Variants in PHEX observed in about 807,000 individuals in gnomAD.
The protein encoded by PHEX is phosphate regulating endopeptidase X-linked.
In PHEX, 16 loss-of-function variants were observed where a neutral mutation model predicts 68.0. That is an observed-to-expected ratio of 0.24 (90% CI 0.16 to 0.36). PHEX has a LOEUF of 0.36. PHEX is among the 10% of genes least tolerant of loss of function. PHEX has a pLI of 1.00. For missense variants in PHEX, 480 were observed against 575.5 expected (o/e 0.83, Z 1.70); for synonymous variants, 208 against 205.1 (o/e 1.01, Z -0.12).
chrX:22,209,954 AATAAAT>A (rs1934864560), intron 15 of PHEX, among the ~76,000 whole-genome samples: 1 of 109,831 alleles, frequency 9.1e-6, no homozygotes, highest in African/African-American at 3.3e-5. Context: ...AAAAAAAAAA[AATAAAT>A]AAATAAAAAT....
intron 9 of PHEX, among the ~76,000 whole-genome samples, chrX:22,110,123 T>A (rs777514160): frequency 8.9e-6 from 1 of 112,391 alleles, no homozygotes; most frequent in South Asian, 3.7e-4. Flanking sequence ...AGGCATTGTA[T>A]CAAGTCACCT....
At chrX:22,185,590 C>T (rs1053835539) in intron 14 of PHEX, among the ~76,000 whole-genome samples, 1 of 111,247 alleles carries the variant, frequency 9.0e-6, no homozygotes, top group African/African-American at 3.3e-5. Context: ...AGATTCAGCC[C>T]ATTGGGTTGG....
chrX:22,057,394 A>G (rs1245846080), intron 3 of PHEX, among the ~76,000 whole-genome samples: 4 of 111,297 alleles, frequency 3.6e-5, no homozygotes. Flanking sequence ...ACTTGAAGCC[A>G]GGAGTTTGAG....
At chrX:22,197,068 T>TG (rs1418312862) in intron 15 of PHEX, among the ~76,000 whole-genome samples, 1 of 112,160 alleles carries the variant, frequency 8.9e-6, no homozygotes, top group Non-Finnish European at 1.9e-5. Context: ...ATCCACTTGA[T>TG]GTTCCATCTG....
intron 15 of PHEX, among the ~76,000 whole-genome samples, chrX:22,209,928 G>T (rs1474972789): frequency 9.5e-6 from 1 of 105,396 alleles, no homozygotes; most frequent in East Asian, 2.9e-4. Context: ...TGGCGAGGTG[G>T]TGTTGAAATG....
At chrX:22,198,063 TA>T (rs943419702) in intron 15 of PHEX, among the ~76,000 whole-genome samples, 1 of 105,155 alleles carries the variant, frequency 9.5e-6, no homozygotes, top group Non-Finnish European at 1.9e-5. Context: ...TATGTAATAT[TA>T]AATATTAATT....
chrX:22,139,832 A>T (rs1484801544), intron 12 of PHEX, among the ~76,000 whole-genome samples: 1 of 110,043 alleles, frequency 9.1e-6, no homozygotes, highest in East Asian at 2.8e-4. Flanking sequence ...AGCCACTGCC[A>T]CACCCAGCCA....
intron 15 of PHEX, among the ~76,000 whole-genome samples, chrX:22,198,424 G>T: frequency 9.1e-6 from 1 of 109,899 alleles, no homozygotes; most frequent in Admixed American, 1.0e-4. Context: ...AGGGTGTGCA[G>T]TGCATTCTGG....
intron 16 of PHEX, 126 bp downstream of exon 16, chrX:22,213,084 C>T: frequency 5.3e-6 from 3 of 566,794 alleles, no homozygotes; most frequent in East Asian, 3.3e-5. Context: ...TGGCGTGGGT[C>T]GCCTGTACTC....
intron 9 of PHEX, among the ~76,000 whole-genome samples, chrX:22,101,702 G>C (rs1192731826): frequency 9.0e-6 from 1 of 111,314 alleles, no homozygotes; most frequent in Non-Finnish European, 1.9e-5. Flanking sequence ...GCCTAGAAGT[G>C]GGGTATGTCA....
chrX:22,042,883 C>G (rs1419034203), intron 2 of PHEX, among the ~76,000 whole-genome samples: 1 of 112,301 alleles, frequency 8.9e-6, no homozygotes, highest in Non-Finnish European at 1.9e-5. Flanking sequence ...AATGCTGATT[C>G]TTAACCCCAA....
chrX:22,224,638 G>C (rs5904625), intron 18 of PHEX, among the ~76,000 whole-genome samples: 35,793 of 110,014 alleles, frequency 0.33, 4,484 homozygotes, highest in Middle Eastern at 0.38. Context: ...ATCCTCATTT[G>C]TTGAGCAAGG....
rs1226925788 is a variant in PHEX at position 22,055,149 on chromosome X, C to T, written c.349+7938C>T. On this transcript the variant is annotated intron_variant, in intron 3 of 21. Coordinates refer to ENST00000379374, the MANE Select transcript of PHEX (RefSeq NM_000444.6). ...AAGATAGCACCACTGCACTCCAGTC[C>T]GGGCAACAGAGAGAGACTCCAGCTC... Among the ~76,000 whole-genome samples the T allele has an allele frequency of 6.9e-5, 6 of 87,091 alleles. No individual in the cohort carries two copies. The East Asian group carries it at 1.1e-3, about 16-fold the overall frequency. The allele number at this position is 87,091 out of a possible 115,157, so 75.6% of individuals were successfully genotyped here.
chrX:22,051,602 CTT>C (rs1927837967), intron 3 of PHEX, among the ~76,000 whole-genome samples: 1 of 111,994 alleles, frequency 8.9e-6, no homozygotes, highest in African/African-American at 3.2e-5. Flanking sequence ...ATAATTCAAA[CTT>C]TGATAAGTTG....
chrX:22,047,027 C>T, intron 2 of PHEX, 23 bp from the exon 3 acceptor site: 1 of 1,175,236 alleles, frequency 8.5e-7, no homozygotes, highest in Non-Finnish European at 1.2e-6. Context: ...TGTCATTAAT[C>T]CTATGATTTT....
chrX:22,055,174 CAAAA>C (rs111628195), intron 3 of PHEX, among the ~76,000 whole-genome samples: 3 of 66,104 alleles, frequency 4.5e-5, no homozygotes, highest in South Asian at 9.0e-4. Context: ...GACTCCAGCT[CAAAA>C]AAAAAAAAAA....
chrX:22,090,716 A>C (rs1929842534), intron 6 of PHEX, among the ~76,000 whole-genome samples: 1 of 112,277 alleles, frequency 8.9e-6, no homozygotes, highest in Admixed American at 9.5e-5. Flanking sequence ...CAATGCCCTT[A>C]TCTAGCTTGG....
chrX:22,143,381 A>G (rs1345685154), intron 12 of PHEX, among the ~76,000 whole-genome samples: 1 of 112,318 alleles, frequency 8.9e-6, no homozygotes, highest in Non-Finnish European at 1.9e-5. Context: ...ATGCAGGTAA[A>G]AACTACTCAC....
intron 14 of PHEX, among the ~76,000 whole-genome samples, chrX:22,184,498 A>G (rs1039032146): frequency 4.5e-5 from 5 of 111,796 alleles, no homozygotes; most frequent in African/African-American, 1.6e-4. Context: ...TTTATCTTTT[A>G]TTCTCATGGA....
Sources: gnomAD v4.1 joint callset for allele counts (sites outside exome capture counted in the v4.1 genomes callset) on GRCh38, gnomAD v4.1.1 for gene constraint, MANE v1.5 for transcripts, NCBI Gene and HGNC (gene_info 2026-07-23, HGNC 2026-07-21) for gene names.